Variants in GALNTL6 observed in about 807,000 individuals in gnomAD.
GALNTL6 encodes the protein polypeptide N-acetylgalactosaminyltransferase-like 6.
GALNTL6 carries 46 observed loss-of-function variants against 73.7 expected under a neutral mutation model. That is an observed-to-expected ratio of 0.62 (90% CI 0.49 to 0.80). GALNTL6 has a LOEUF of 0.80. Ranked by LOEUF, GALNTL6 falls within the 30% of genes least tolerant of loss-of-function variation. GALNTL6 has a pLI of 0.00. For synonymous variants in GALNTL6, 259 were observed against 263.7 expected (o/e 0.98, Z 0.17); for missense variants, 604 against 755.0 (o/e 0.80, Z 2.34).
At chr4:172,710,579 A>T (rs917025355) in intron 5 of GALNTL6, among the ~76,000 whole-genome samples, 1 of 152,136 alleles carries the variant, frequency 6.6e-6, no homozygotes, top group African/African-American at 2.4e-5. Flanking sequence ...AAAATTATCC[A>T]ACTATGTCTT....
At chr4:172,806,340 G>A (rs1042294830) in intron 5 of GALNTL6, among the ~76,000 whole-genome samples, 1 of 152,158 alleles carries the variant, frequency 6.6e-6, no homozygotes, top group African/African-American at 2.4e-5. Flanking sequence ...AATCTTTTTA[G>A]TAAATTAAAA....
chr4:172,937,091 G>A lies in GALNTL6; in HGVS notation c.1149+5823G>A, dbSNP rs151316811. On this transcript the variant is annotated intron_variant, in intron 9 of 12. Coordinates refer to ENST00000506823, the MANE Select transcript of GALNTL6 (RefSeq NM_001034845.3). The stretch of plus-strand genomic sequence containing the variant: ...TACGGAGGGTGTGCGTAGGACCTGT[G>A]GAGTTAGCCTTGGAAGACCCTGGAT... Among the ~76,000 whole-genome samples the A allele has an allele frequency of 8.0e-4, 121 of 152,044 alleles. No individual in the cohort carries two copies. In the East Asian group the frequency reaches 0.018, roughly 22 times the overall value.
intron 2 of GALNTL6, among the ~76,000 whole-genome samples, chr4:172,095,518 T>C (rs927641860): frequency 6.6e-6 from 1 of 152,164 alleles, no homozygotes; most frequent in Admixed American, 6.5e-5. Context: ...CTTTGTTATA[T>C]ATTTGCGTGT....
chr4:172,176,075 C>T (rs1474801497), intron 2 of GALNTL6, among the ~76,000 whole-genome samples: 1 of 152,044 alleles, frequency 6.6e-6, no homozygotes, highest in Non-Finnish European at 1.5e-5. Flanking sequence ...CGCGGTGGCT[C>T]ACGCCTGTAA....
intron 2 of GALNTL6, among the ~76,000 whole-genome samples, chr4:172,142,103 C>T (rs935926075): frequency 2.6e-5 from 4 of 151,656 alleles, no homozygotes; most frequent in African/African-American, 4.8e-5. Flanking sequence ...TCTGGTACAC[C>T]GTTATTTTGT....
chr4:172,802,961 C>T (rs555325030), intron 5 of GALNTL6, among the ~76,000 whole-genome samples: 6 of 152,294 alleles, frequency 3.9e-5, no homozygotes, highest in South Asian at 2.1e-4. Flanking sequence ...CGTTTTTAGA[C>T]GAATGCACAC....
intron 2 of GALNTL6, among the ~76,000 whole-genome samples, chr4:172,100,968 G>T (rs1732495023): frequency 6.6e-6 from 1 of 152,080 alleles, no homozygotes; most frequent in Non-Finnish European, 1.5e-5. Context: ...GACCACCAAA[G>T]CAAGATGACC....
chr4:171,840,253 T>C (rs2110841725), intron 2 of GALNTL6, among the ~76,000 whole-genome samples: 1 of 152,350 alleles, frequency 6.6e-6, no homozygotes, highest in Non-Finnish European at 1.5e-5. Context: ...TTCATGAAGA[T>C]TGAGTGACTT....
intron 5 of GALNTL6, among the ~76,000 whole-genome samples, chr4:172,720,042 G>A (rs1426170587): frequency 2.6e-5 from 4 of 152,014 alleles, no homozygotes; most frequent in Non-Finnish European, 1.5e-5. Flanking sequence ...AGTTTTGGCC[G>A]GCTTCTTTAC....
intron 2 of GALNTL6, among the ~76,000 whole-genome samples, chr4:171,934,774 G>A (rs531446335): frequency 4.4e-4 from 67 of 152,228 alleles, no homozygotes; most frequent in African/African-American, 1.5e-3. Context: ...CTCTTAGAGC[G>A]AAAAGGCTAG....
intron 2 of GALNTL6, among the ~76,000 whole-genome samples, chr4:172,043,303 G>T (rs1420396526): frequency 6.6e-6 from 1 of 151,880 alleles, no homozygotes; most frequent in African/African-American, 2.4e-5. Context: ...TTGTGTGTGT[G>T]TTTTTATTAT....
At chr4:172,218,715 G>A (rs1231862495) in intron 2 of GALNTL6, among the ~76,000 whole-genome samples, 3 of 151,836 alleles carry the variant, frequency 2.0e-5, no homozygotes, top group Non-Finnish European at 4.4e-5. Flanking sequence ...TATATAGGAT[G>A]GAGCTGAAAC....
At chr4:172,221,977 C>T (rs1412057000) in intron 2 of GALNTL6, among the ~76,000 whole-genome samples, 4 of 151,806 alleles carry the variant, frequency 2.6e-5, no homozygotes, top group Non-Finnish European at 5.9e-5. Flanking sequence ...CTACTCATCT[C>T]TCTGGTTTCT....
At chr4:173,038,875 A>G (rs1753795674) in intron 12 of GALNTL6, among the ~76,000 whole-genome samples, 1 of 152,228 alleles carries the variant, frequency 6.6e-6, no homozygotes, top group African/African-American at 2.4e-5. Flanking sequence ...TCCTCAGATA[A>G]AGGTAACCAG....
At chr4:172,397,943 C>T (rs990119329) in intron 5 of GALNTL6, among the ~76,000 whole-genome samples, 7 of 151,338 alleles carry the variant, frequency 4.6e-5, no homozygotes, top group Non-Finnish European at 7.4e-5. Context: ...AAAAGTCTTT[C>T]TTTTTTTTTA....
chr4:172,291,497 C>A (rs771817131), intron 3 of GALNTL6, among the ~76,000 whole-genome samples: 1 of 152,086 alleles, frequency 6.6e-6, no homozygotes, highest in Non-Finnish European at 1.5e-5. Context: ...ACTAAAAAAT[C>A]ATATCTGAAT....
chr4:172,527,302 G>T (rs933618904), intron 5 of GALNTL6, among the ~76,000 whole-genome samples: 8 of 152,108 alleles, frequency 5.3e-5, no homozygotes, highest in Non-Finnish European at 8.8e-5. Flanking sequence ...TGATGGAATG[G>T]CTGATTGTAG....
At chr4:172,909,578 A>G (rs977759134) in intron 8 of GALNTL6, among the ~76,000 whole-genome samples, 7 of 152,130 alleles carry the variant, frequency 4.6e-5, no homozygotes, top group African/African-American at 1.7e-4. Context: ...AATTAATATT[A>G]TAATGATAGA....
intron 2 of GALNTL6, among the ~76,000 whole-genome samples, chr4:171,945,128 A>G (rs1158253444): frequency 6.6e-6 from 1 of 152,068 alleles, no homozygotes; most frequent in African/African-American, 2.4e-5. Flanking sequence ...TGTTTATTTG[A>G]ACAGAATGTT....
Sources: allele counts gnomAD v4.1 joint callset (sites outside exome capture counted in the v4.1 genomes callset), GRCh38; gene constraint gnomAD v4.1.1; transcripts MANE v1.5; gene names NCBI Gene and HGNC (gene_info 2026-07-23, HGNC 2026-07-21).